Variants in CASP10 observed in about 807,000 individuals in gnomAD.
CASP10 encodes caspase 10, also known as caspase-10.
A neutral mutation model predicts 48.5 loss-of-function variants in CASP10; 41 were observed. The ratio of observed to expected loss-of-function variants is 0.85; its 90% CI spans 0.66 to 1.10. CASP10 has a LOEUF of 1.10. CASP10 is among the 50% of genes least tolerant of loss of function. The pLI is 0.00. For synonymous variants in CASP10, 232 were observed against 238.4 expected (o/e 0.97, Z 0.25); for missense variants, 614 against 614.5 (o/e 1.00, Z 0.01).
At chr2:201,208,259 C>A in intron 8 of CASP10, 76 bp downstream of exon 8, 1 of 1,532,888 alleles carries the variant, frequency 6.5e-7, no homozygotes. Context: ...CATTTTCTTT[C>A]TGTGACTTTT....
chr2:201,204,239 A>G (rs1291458123), intron 6 of CASP10, among the ~76,000 whole-genome samples: 2 of 152,230 alleles, frequency 1.3e-5, no homozygotes, highest in Non-Finnish European at 2.9e-5. Flanking sequence ...CCCAGAAACC[A>G]TAACCTTAGG....
intron 9 of CASP10, among the ~76,000 whole-genome samples, chr2:201,215,211 G>GTT (rs10616229): frequency 2.0e-3 from 60 of 29,876 alleles, no homozygotes; most frequent in African/African-American, 4.4e-3. Flanking sequence ...TCTTCCCTCG[G>GTT]TTTTTTTTTT....
intron 4 of CASP10, chr2:201,193,409 T>C: frequency 2.8e-6 from 1 of 357,540 alleles, no homozygotes. Context: ...GGTTTCACTA[T>C]GTTGGCCAGG....
chr2:201,201,652 G>C (rs1945023981), intron 5 of CASP10, among the ~76,000 whole-genome samples: 1 of 152,152 alleles, frequency 6.6e-6, no homozygotes, highest in Non-Finnish European at 1.5e-5. Flanking sequence ...AAGTGCAAAG[G>C]GGACTGGGGC....
intron 2 of CASP10, among the ~76,000 whole-genome samples, chr2:201,187,371 CTGAATTTCTTGATGGA>C (rs1045367793): frequency 6.6e-6 from 1 of 151,888 alleles, no homozygotes; most frequent in African/African-American, 2.4e-5. Context: ...TAAAGTAAGC[CTGAATTTCTTGATGGA>C]ATCAGGAGAT....
chr2:201,215,767 GT>G (rs1399694318), intron 9 of CASP10, among the ~76,000 whole-genome samples: 3 of 151,812 alleles, frequency 2.0e-5, no homozygotes. Context: ...ACATTTTAGG[GT>G]TTTTTTCCCT....
downstream of CASP10, among the ~76,000 whole-genome samples, chr2:201,221,883 G>T (rs957676741): frequency 3.3e-5 from 5 of 152,186 alleles, no homozygotes; most frequent in African/African-American, 1.2e-4. Flanking sequence ...ACAGCTGTGA[G>T]TCGTGGATCT....
chr2:201,206,289 G>C, intron 7 of CASP10: 1 of 221,020 alleles, frequency 4.5e-6, no homozygotes, highest in African/African-American at 2.3e-5. Flanking sequence ...GAAGCCACTT[G>C]TTTTCTGCTT....
Position 201,193,124 on chromosome 2 carries a change from G to A in CASP10, c.577+5G>A, listed in dbSNP as rs1228415590. 2 of 1,613,024 alleles carry A rather than the reference G, an allele frequency of 1.2e-6. No homozygotes were observed. Among genetic ancestry groups the A allele is most frequent in the Non-Finnish European group, 1.7e-6 (2 of 1,179,378 alleles). On this transcript the variant is annotated splice_donor_5th_base_variant and intron_variant, in intron 4 of 9. Transcript: ENST00000286186. ...AGAAATACAAAAGAGAGAAAGGTAA[G>A]TAGCTTGTGATTGCTAACTTGGACC... is the stretch of plus-strand genomic sequence containing the variant.
chr2:201,212,324 CCCA>C (rs1380253432), intron 9 of CASP10: 2 of 152,236 alleles, frequency 1.3e-5, no homozygotes, highest in Non-Finnish European at 1.5e-5. Context: ...TAGGAAAACT[CCCA>C]CCACAACTAT....
chr2:201,186,177 C>A, intron 2 of CASP10, 53 bp downstream of exon 2: 1 of 1,349,152 alleles, frequency 7.4e-7, no homozygotes, highest in Non-Finnish European at 1.1e-6. Flanking sequence ...AGTGTTCATT[C>A]TGGCCATTGG....
chr2:201,200,556 A>G, intron 5 of CASP10: 1 of 1,595,354 alleles, frequency 6.3e-7, no homozygotes, highest in Non-Finnish European at 8.5e-7. Context: ...CTATGCAGGC[A>G]ATCAGGACAT....
chr2:201,206,041 G>C (rs41497945), intron 7 of CASP10, 68 bp downstream of exon 7: 1 of 901,492 alleles, frequency 1.1e-6, no homozygotes, highest in East Asian at 2.7e-5. Context: ...TCAAAAGGAC[G>C]GTTTCTTTAG....
chr2:201,197,457 A>T (rs1944841839), intron 5 of CASP10, among the ~76,000 whole-genome samples: 1 of 152,184 alleles, frequency 6.6e-6, no homozygotes, highest in African/African-American at 2.4e-5. Context: ...TCTACTAAAA[A>T]TACCAAAATT....
At chr2:201,191,701 A>G (rs960525054) in intron 3 of CASP10, among the ~76,000 whole-genome samples, 1 of 152,244 alleles carries the variant, frequency 6.6e-6, no homozygotes, top group African/African-American at 2.4e-5. Context: ...CTGGGGAAAC[A>G]CAAATAACCT....
rs1227759147 is a variant in CASP10, at chr2:201,228,919, T to C, written c.1416-14T>C. The C allele has an allele frequency of 8.1e-6, 13 of 1,613,674 alleles. No homozygotes were observed. In the Admixed American group the frequency reaches 2.2e-4, roughly 27 times the overall value. ...AGTCAAAGTTCCCCTTTTATTTCTCTTTGTGCTCAGTAGGATGCTGAAATT... is the reference window on the plus strand; with the variant it reads ...AGTCAAAGTTCCCCTTTTATTTCTCCTTGTGCTCAGTAGGATGCTGAAATT... On this transcript the variant is annotated splice_polypyrimidine_tract_variant and intron_variant, in intron 9 of 9. Coordinates refer to the CASP10 transcript ENST00000272879.
rs1945099509 is a variant in CASP10 at position 201,203,587 on chromosome 2, A to G, written c.685-143A>G. ...CTCCCAAAGTGCTGGGATTACAGGC[A>G]TGAGCCACCGCAACCGGCCCAATGA... On this transcript the variant is annotated intron_variant, in intron 5 of 9. Coordinates refer to ENST00000286186, the MANE Select transcript of CASP10 (RefSeq NM_032977.4). The G allele has an allele frequency of 4.0e-6, 3 of 752,074 alleles. No individual in the cohort carries two copies. In the South Asian group the frequency reaches 4.4e-5, roughly 11 times the overall value. 46.6% of individuals were successfully genotyped at this position (752,074 alleles called of 1,614,324 possible).
chr2:201,216,417 A>C (rs1945572111), intron 9 of CASP10, among the ~76,000 whole-genome samples: 1 of 152,114 alleles, frequency 6.6e-6, no homozygotes, highest in East Asian at 1.9e-4. Flanking sequence ...TGAACAAATC[A>C]AAACAGGATA....
chr2:201,219,723 T>C lies in CASP10; in HGVS notation c.*1982T>C, dbSNP rs535246667. The stretch of plus-strand genomic sequence containing the variant: ...ACTTGAGCTTTTTTTTTTTTTTTTT[T>C]CAATTTCTAGAGGAACTTTTTCTCT... On this transcript the variant is annotated 3_prime_UTR_variant, in exon 10 of 10. Coordinates refer to ENST00000286186, the MANE Select transcript of CASP10 (RefSeq NM_032977.4). 3.3e-4 allele frequency: 316 copies of C among 958,140 alleles called. 1 individual carries two copies. The African/African-American group carries it at 5.1e-3, about 16-fold the overall frequency. 59.4% of individuals were successfully genotyped at this position (958,140 alleles called of 1,614,324 possible). A position where few individuals can be genotyped will look rare whatever the true frequency, so the allele number is the denominator to read the frequency against.
Sources: allele counts gnomAD v4.1 joint callset (sites outside exome capture counted in the v4.1 genomes callset), GRCh38; gene constraint gnomAD v4.1.1; transcripts MANE v1.5; gene names NCBI Gene and HGNC (gene_info 2026-07-23, HGNC 2026-07-21).